The following ZMYM4 variants were observed in gnomAD, a reference collection of about 807,000 sequenced individuals.
The protein encoded by ZMYM4 is zinc finger MYM-type protein 4.
Under a neutral mutation model 183.2 loss-of-function variants are expected in ZMYM4, and 31 were observed. The observed-to-expected ratio is 0.17, with a 90% CI of 0.13 to 0.23. The LOEUF (loss-of-function observed/expected upper bound fraction) is 0.23, where lower values mean the gene tolerates loss of function less well. Among genes scored for constraint, ZMYM4 ranks in the 10% least tolerant of loss-of-function variants. ZMYM4 has a pLI of 1.00. For synonymous variants in ZMYM4, 592 were observed against 631.2 expected (o/e 0.94, Z 0.93); for missense variants, 1,273 against 1,840.3 (o/e 0.69, Z 5.64).
chr1:35,347,515 TTTC>T (rs1643440907), intron 2 of ZMYM4, among the ~76,000 whole-genome samples: 1 of 152,156 alleles, frequency 6.6e-6, no homozygotes, highest in African/African-American at 2.4e-5. Context: ...TTAACATTGC[TTTC>T]TTTTTTTTTT....
chr1:35,307,621 G>A lies in ZMYM4; in HGVS notation c.40-17739G>A, dbSNP rs536189201. Among the ~76,000 whole-genome samples the A allele has an allele frequency of 7.8e-4, 116 of 148,792 alleles. 1 individual carries two copies. The highest frequency in any genetic ancestry group is 1.9e-3 in the African/African-American group (78 of 40,214). ...ACGATCTCGGCTCACTGCAAGCTCT[G>A]CCTCCCGGGTTCACGCCATTCTCCT... On this transcript the variant is annotated intron_variant, in intron 1 of 29. Transcript: ENST00000314607.
At chr1:35,347,189 T>C (rs1036668667) in intron 2 of ZMYM4, among the ~76,000 whole-genome samples, 4 of 152,310 alleles carry the variant, frequency 2.6e-5, no homozygotes, top group African/African-American at 9.6e-5. Context: ...GTATTTTTAG[T>C]AGAGACAGGG....
At chr1:35,290,427 TTTAC>T (rs762985619) in intron 1 of ZMYM4, among the ~76,000 whole-genome samples, 13 of 152,278 alleles carry the variant, frequency 8.5e-5, no homozygotes, top group South Asian at 2.1e-4. Flanking sequence ...CCTGATCTTA[TTTAC>T]TTACTTAGTT....
rs910892545 is a variant in ZMYM4 at position 35,284,327 on chromosome 1, A to G, written c.39+15242A>G. 2.0e-5 allele frequency among the ~76,000 whole-genome samples: 3 copies of G among 152,218 alleles called. No homozygotes were observed. The East Asian group carries it at 5.8e-4, about 29-fold the overall frequency. On this transcript the variant is annotated intron_variant, in intron 1 of 29. Transcript: ENST00000314607. ...AATTTGTGTTTTTCTTTTGTAGCTTATGCTTTTGGTATCATATTTAAGATG... is the reference window on the plus strand; with the variant it reads ...AATTTGTGTTTTTCTTTTGTAGCTTGTGCTTTTGGTATCATATTTAAGATG...
In ZMYM4 at chr1:35,307,505, A is replaced by T. The variant is rs569968025; in HGVS notation, c.40-17855A>T. Among the ~76,000 whole-genome samples, 92 of 149,766 alleles carry T rather than the reference A, an allele frequency of 6.1e-4. 2 individuals carry two copies. Among genetic ancestry groups the T allele is most frequent in the East Asian group, 2.1e-3 (11 of 5,156 alleles). Reference sequence around the variant, plus strand: ...AAAAAATTTTAATTGTTTAAAAAAAATTTTTAATTATTTTTATTATTATTA... The same window carrying T: ...AAAAAATTTTAATTGTTTAAAAAAATTTTTTAATTATTTTTATTATTATTA... On this transcript the variant is annotated intron_variant, in intron 1 of 29. Coordinates refer to ENST00000314607, the MANE Select transcript of ZMYM4 (RefSeq NM_005095.3).
intron 25 of ZMYM4, among the ~76,000 whole-genome samples, chr1:35,405,730 G>A (rs537307386): frequency 5.3e-5 from 8 of 149,850 alleles, no homozygotes; most frequent in South Asian, 4.2e-4. Context: ...TGAGCCCTGC[G>A]TCTGTATAGT....
chr1:35,283,128 C>G (rs1361160149), intron 1 of ZMYM4, among the ~76,000 whole-genome samples: 1 of 148,094 alleles, frequency 6.8e-6, no homozygotes, highest in African/African-American at 2.5e-5. Context: ...GCCTCAGCCT[C>G]CCAAGTAGCT....
intron 1 of ZMYM4, chr1:35,310,481 A>C (rs1641743042): frequency 6.5e-6 from 1 of 154,186 alleles, no homozygotes; most frequent in Non-Finnish European, 1.4e-5. Context: ...ATCTCTTGTA[A>C]TTTTACTACT....
chr1:35,404,771 A>C (rs1644971874), intron 23 of ZMYM4: 1 of 298,348 alleles, frequency 3.4e-6, no homozygotes, highest in Admixed American at 4.8e-5. Context: ...TCTGGAACAT[A>C]GTAAATACCC....
At chr1:35,356,991 C>T (rs539075847) in intron 2 of ZMYM4, among the ~76,000 whole-genome samples, 1 of 152,200 alleles carries the variant, frequency 6.6e-6, no homozygotes, top group Non-Finnish European at 1.5e-5. Context: ...TCAAGTGATC[C>T]TCCTTCCTCA....
intron 7 of ZMYM4, among the ~76,000 whole-genome samples, chr1:35,376,924 T>G (rs1644347388): frequency 6.6e-6 from 1 of 152,120 alleles, no homozygotes; most frequent in Admixed American, 6.5e-5. Context: ...GTCTCTTTTT[T>G]GAGATGGAGT....
intron 2 of ZMYM4, among the ~76,000 whole-genome samples, chr1:35,342,606 T>C (rs1643242821): frequency 6.6e-6 from 1 of 152,178 alleles, no homozygotes; most frequent in Admixed American, 6.5e-5. Flanking sequence ...GAAGTGTATG[T>C]TTGAATTTTT....
chr1:35,300,583 A>G (rs1046768352), intron 1 of ZMYM4, among the ~76,000 whole-genome samples: 2 of 152,040 alleles, frequency 1.3e-5, no homozygotes, highest in African/African-American at 2.4e-5. Context: ...ATAGCTCACT[A>G]ATTTTCTTTA....
chr1:35,340,127 A>G (rs887644832), intron 2 of ZMYM4, among the ~76,000 whole-genome samples: 26 of 152,246 alleles, frequency 1.7e-4, no homozygotes, highest in African/African-American at 5.8e-4. Context: ...ATCAAATAAC[A>G]AAAATTTTTT....
At chr1:35,409,773 C>A (rs1319492648) in intron 26 of ZMYM4, among the ~76,000 whole-genome samples, 1 of 151,974 alleles carries the variant, frequency 6.6e-6, no homozygotes, top group Non-Finnish European at 1.5e-5. Context: ...AACCCTGTCT[C>A]TACTAAGAAT....
In ZMYM4 at chr1:35,351,261, G is replaced by C. The variant is rs548296072; in HGVS notation, c.86-7664G>C. 6 of 1,576,792 alleles carry C rather than the reference G, an allele frequency of 3.8e-6. No individual in the cohort carries two copies. In the South Asian group the frequency reaches 6.6e-5, roughly 17 times the overall value. On this transcript the variant is annotated intron_variant, in intron 2 of 29. Transcript: ENST00000314607. ...CCCTCACAGTACCAAACGATTCCCT[G>C]GTTATGATTCTGAAAGCAAGGAATT... is the stretch of plus-strand genomic sequence containing the variant.
chr1:35,363,629 T>C (rs1276823358), intron 5 of ZMYM4, among the ~76,000 whole-genome samples: 1 of 151,172 alleles, frequency 6.6e-6, no homozygotes, highest in Non-Finnish European at 1.5e-5. Flanking sequence ...GATAAAGCTA[T>C]AGGAGTTGGA....
rs568053420 is a variant in ZMYM4, at chr1:35,322,806, C to T, written c.40-2554C>T. On this transcript the variant is annotated intron_variant, in intron 1 of 29. Transcript: ENST00000314607. ...CCAGGTTCAAGCGATTCTCCTGCCT[C>T]AGCCTCCCAAGTAGCTGGGATTACA... is the stretch of plus-strand genomic sequence containing the variant. 2.0e-5 allele frequency among the ~76,000 whole-genome samples: 3 copies of T among 152,090 alleles called. No homozygotes were observed. In the South Asian group the frequency reaches 6.2e-4, roughly 32 times the overall value.
rs975929362 is a variant in ZMYM4 at position 35,389,832 on chromosome 1, A to C, written c.2437-116A>C. 11 of 960,806 alleles carry C rather than the reference A, an allele frequency of 1.1e-5. No individual in the cohort carries two copies. In the African/African-American group the frequency reaches 1.5e-4, roughly 13 times the overall value. The allele number at this position is 960,806 out of a possible 1,614,324, so 59.5% of individuals were successfully genotyped here. ...GTATAATCATTGATAAAGACAAACT[A>C]ATTTTTTGATCTAAATTCTAAGTTA... On this transcript the variant is annotated intron_variant, in intron 14 of 29. Transcript: ENST00000314607. This position sits in a 1 kb window ranked among gnomAD's most constrained non-coding sequence, Gnocchi z 4.0.
Sources: gnomAD v4.1 joint callset for allele counts (sites outside exome capture counted in the v4.1 genomes callset) on GRCh38, gnomAD v4.1.1 for gene constraint, Gnocchi (gnomAD v3.1) non-coding constraint, MANE v1.5 for transcripts, NCBI Gene and HGNC (gene_info 2026-07-23, HGNC 2026-07-21) for gene names.